The following PTPRD variants were observed in gnomAD, a reference collection of about 807,000 sequenced individuals.
The protein encoded by PTPRD is receptor-type tyrosine-protein phosphatase delta.
In PTPRD, 34 loss-of-function variants were observed where a neutral mutation model predicts 214.5. The ratio of observed to expected loss-of-function variants is 0.16; its 90% CI spans 0.12 to 0.21. PTPRD has a LOEUF of 0.21. PTPRD is among the 10% of genes least tolerant of loss of function. PTPRD has a pLI of 1.00. For synonymous variants in PTPRD, 1,128 were observed against 845.7 expected (o/e 1.33, Z -5.79); for missense variants, 2,545 against 2,398.7 (o/e 1.06, Z -1.27).
intron 3 of PTPRD, among the ~76,000 whole-genome samples, chr9:10,099,297 T>A (rs954896125): frequency 3.0e-4 from 45 of 151,764 alleles, no homozygotes; most frequent in Non-Finnish European, 3.2e-4. Flanking sequence ...ATGATTCAGT[T>A]TTTTTCACCT....
chr9:8,749,148 G>A (rs2093243465), intron 11 of PTPRD, among the ~76,000 whole-genome samples: 1 of 151,828 alleles, frequency 6.6e-6, no homozygotes, highest in Non-Finnish European at 1.5e-5. Flanking sequence ...AAATAATTAG[G>A]GGCCCATTGC....
chr9:10,490,400 A>G (rs1159146393), intron 2 of PTPRD, among the ~76,000 whole-genome samples: 1 of 152,186 alleles, frequency 6.6e-6, no homozygotes, highest in Non-Finnish European at 1.5e-5. Flanking sequence ...CATAAAAATA[A>G]TTATTGCCAT....
At position 9,205,432 on chromosome 9, in the gene PTPRD, G is replaced by A. The variant is rs115735772; in HGVS notation, c.-202-22069C>T. On this transcript the variant is annotated intron_variant, in intron 9 of 45. Transcript: ENST00000381196. The stretch of plus-strand genomic sequence containing the variant: ...TCTAATTATAAACACATGGTAATGC[G>A]TTGCTTAGGTTTCATGCTCAATTAC... Among the ~76,000 whole-genome samples, 976 of 152,062 alleles carry A rather than the reference G, an allele frequency of 6.4e-3. 11 individuals are homozygous for A. The highest frequency in any genetic ancestry group is 0.022 in the African/African-American group (904 of 41,486).
chr9:9,780,046 G>C (rs1367712019), intron 5 of PTPRD, among the ~76,000 whole-genome samples: 1 of 152,132 alleles, frequency 6.6e-6, no homozygotes, highest in Non-Finnish European at 1.5e-5. Flanking sequence ...TTTTTTTAAA[G>C]AGATACATAT....
intron 2 of PTPRD, among the ~76,000 whole-genome samples, chr9:10,362,097 G>A (rs1395950850): frequency 1.3e-5 from 2 of 152,144 alleles, no homozygotes; most frequent in African/African-American, 2.4e-5. Flanking sequence ...CTAATGAGAT[G>A]CTTCAGGATC....
chr9:10,447,686 G>A (rs1374466596), intron 2 of PTPRD, among the ~76,000 whole-genome samples: 1 of 151,932 alleles, frequency 6.6e-6, no homozygotes, highest in African/African-American at 2.4e-5. Flanking sequence ...AACCCAAAGA[G>A]GTCCATCACA....
intron 10 of PTPRD, among the ~76,000 whole-genome samples, chr9:9,031,619 T>C (rs2099605713): frequency 6.6e-6 from 1 of 152,148 alleles, no homozygotes. Flanking sequence ...CACCAATAAA[T>C]ACGTGGTCCA....
chr9:10,192,953 A>C (rs1255218319), intron 3 of PTPRD, among the ~76,000 whole-genome samples: 1 of 152,204 alleles, frequency 6.6e-6, no homozygotes, highest in African/African-American at 2.4e-5. Context: ...ATTGAGTTCC[A>C]AAATCATCAT....
chr9:8,509,131 C>T (rs2097612109), intron 21 of PTPRD, among the ~76,000 whole-genome samples: 1 of 151,884 alleles, frequency 6.6e-6, no homozygotes, highest in Non-Finnish European at 1.5e-5. Flanking sequence ...TGACCTAACA[C>T]AATCATTTAG....
intron 35 of PTPRD, among the ~76,000 whole-genome samples, chr9:8,424,856 T>A (rs1187902062): frequency 6.6e-6 from 1 of 152,162 alleles, no homozygotes; most frequent in Non-Finnish European, 1.5e-5. Flanking sequence ...AAGTGATATA[T>A]AATAAAGTTC....
intron 3 of PTPRD, among the ~76,000 whole-genome samples, chr9:10,220,125 T>C (rs2099562001): frequency 1.3e-5 from 2 of 151,876 alleles, no homozygotes; most frequent in Admixed American, 6.6e-5. Context: ...ATAAAAAGAC[T>C]AGCATTAAAA....
intron 11 of PTPRD, among the ~76,000 whole-genome samples, chr9:8,937,163 T>G (rs2099003425): frequency 6.6e-6 from 1 of 152,150 alleles, no homozygotes; most frequent in Non-Finnish European, 1.5e-5. Flanking sequence ...AACGTTTTCT[T>G]AAAAAGTCTC....
At chr9:10,491,490 G>A (rs2040215499) in intron 2 of PTPRD, among the ~76,000 whole-genome samples, 2 of 151,402 alleles carry the variant, frequency 1.3e-5, no homozygotes, top group Admixed American at 1.3e-4. Context: ...GAATCTTTAG[G>A]TATAGATGCT....
rs1310166269 is a variant in PTPRD at position 8,849,316 on chromosome 9, T to C, written c.-103-115370A>G. On this transcript the variant is annotated intron_variant, in intron 11 of 45. Coordinates refer to ENST00000381196, the MANE Select transcript of PTPRD (RefSeq NM_002839.4). Reference sequence around the variant, plus strand: ...TCAGTCTCCCGAGTAGCTGGGACTATAGGCAAGTGCCACCATGTCCAGATA... The same window carrying C: ...TCAGTCTCCCGAGTAGCTGGGACTACAGGCAAGTGCCACCATGTCCAGATA... Among the ~76,000 whole-genome samples the C allele has an allele frequency of 2.0e-5, 3 of 152,036 alleles. No individual in the cohort carries two copies. The East Asian group carries it at 5.9e-4, about 30-fold the overall frequency.
chr9:9,824,430 ATAC>A (rs1322490563), intron 5 of PTPRD, among the ~76,000 whole-genome samples: 1 of 152,050 alleles, frequency 6.6e-6, no homozygotes, highest in African/African-American at 2.4e-5. Flanking sequence ...CCTACCATTC[ATAC>A]TACAATTTGC....
intron 3 of PTPRD, among the ~76,000 whole-genome samples, chr9:10,057,526 G>A (rs912696770): frequency 1.3e-5 from 2 of 152,038 alleles, no homozygotes; most frequent in Admixed American, 1.3e-4. Context: ...AACATTTGGA[G>A]TATTCTTCGT....
At chr9:9,168,779 A>G (rs1359090761) in intron 10 of PTPRD, among the ~76,000 whole-genome samples, 1 of 152,092 alleles carries the variant, frequency 6.6e-6, no homozygotes, top group Non-Finnish European at 1.5e-5. Flanking sequence ...TTATTTTCTG[A>G]GAGGAAGAAA....
intron 14 of PTPRD, among the ~76,000 whole-genome samples, chr9:8,588,068 CTATATGGTG>C: frequency 6.6e-6 from 1 of 152,316 alleles, no homozygotes; most frequent in East Asian, 1.9e-4. Context: ...TGATCTTTGC[CTATATGGTG>C]TAATTGGTTT....
chr9:10,433,829 A>C, intron 2 of PTPRD, among the ~76,000 whole-genome samples: 1 of 152,002 alleles, frequency 6.6e-6, no homozygotes, highest in Middle Eastern at 3.4e-3. Context: ...AATTTAAGAA[A>C]ACTCTTTATA....
Sources: allele counts gnomAD v4.1 joint callset (sites outside exome capture counted in the v4.1 genomes callset), GRCh38; gene constraint gnomAD v4.1.1; transcripts MANE v1.5; gene names NCBI Gene and HGNC (gene_info 2026-07-23, HGNC 2026-07-21).